NAPEPLD: variants seen among roughly 807,000 people sequenced by gnomAD.
NAPEPLD encodes the protein N-acyl phosphatidylethanolamine phospholipase D, also known as N-acyl-phosphatidylethanolamine-hydrolyzing phospholipase D.
Under a neutral mutation model 38.1 loss-of-function variants are expected in NAPEPLD, and 23 were observed. That is an observed-to-expected ratio of 0.60 (90% confidence interval 0.43 to 0.86). The LOEUF (loss-of-function observed/expected upper bound fraction) is 0.86, where lower values mean the gene tolerates loss of function less well. NAPEPLD is among the 40% of genes least tolerant of loss of function. The pLI is 0.00. For missense variants in NAPEPLD, 411 were observed against 476.8 expected (o/e 0.86, Z 1.28); for synonymous variants, 147 against 162.0 (o/e 0.91, Z 0.71).
intron 1 of NAPEPLD, among the ~76,000 whole-genome samples, chr7:103,143,345 T>TA (rs1333486557): frequency 6.6e-6 from 1 of 152,028 alleles, no homozygotes; most frequent in Non-Finnish European, 1.5e-5. Flanking sequence ...ATGCCTGCCA[T>TA]AAAATCTAGT....
At chr7:103,119,457 T>C in intron 3 of NAPEPLD, 120 bp downstream of exon 3, 2 of 1,034,836 alleles carry the variant, frequency 1.9e-6, no homozygotes, top group Non-Finnish European at 2.7e-6. Context: ...CCCAATCATG[T>C]ATAACAAAGT....
chr7:103,148,059 T>C (rs1812944943), intron 1 of NAPEPLD: 1 of 985,072 alleles, frequency 1.0e-6, no homozygotes, highest in African/African-American at 1.7e-5. Context: ...ACATAACTTC[T>C]TTCTAAACGA....
At chr7:103,109,940 C>G (rs922977175) in intron 4 of NAPEPLD, among the ~76,000 whole-genome samples, 2 of 152,172 alleles carry the variant, frequency 1.3e-5, no homozygotes, top group African/African-American at 4.8e-5. Context: ...ACTATCAACA[C>G]CTCTACGCAA....
rs118016213 is a variant in NAPEPLD at position 103,125,576 on chromosome 7, C to T, written c.294+2907G>A. Among the ~76,000 whole-genome samples the T allele has an allele frequency of 5.2e-3, 784 of 152,108 alleles. 18 individuals carry two copies. Among genetic ancestry groups the T allele is most frequent in the East Asian group, 0.014 (75 of 5,182 alleles). On this transcript the variant is annotated intron_variant, in intron 2 of 4. Transcript: ENST00000465647. ...GTCATCCCTACGACTCTACGAGACA[C>T]AAGGTTTAAAAATGAAACAAATAGG...
chr7:103,116,778 C>T (rs1299558376), intron 3 of NAPEPLD, among the ~76,000 whole-genome samples: 1 of 152,168 alleles, frequency 6.6e-6, no homozygotes, highest in Non-Finnish European at 1.5e-5. Flanking sequence ...TGAATCCTAG[C>T]TCTTGCAGTT....
At chr7:103,133,497 C>A (rs1387201937) in intron 1 of NAPEPLD, among the ~76,000 whole-genome samples, 1 of 152,198 alleles carries the variant, frequency 6.6e-6, no homozygotes, top group African/African-American at 2.4e-5. Context: ...CCAACAGGTG[C>A]TCCAGTGACA....
chr7:103,134,563 T>G (rs113805685), intron 1 of NAPEPLD, among the ~76,000 whole-genome samples: 2,373 of 152,100 alleles, frequency 0.016, 28 homozygotes, highest in Non-Finnish European at 0.023. Flanking sequence ...GGCAGGAAAA[T>G]CACTTGAACC....
At chr7:103,149,136 G>A, upstream of NAPEPLD, 2 of 953,934 alleles carry the variant, frequency 2.1e-6, no homozygotes, top group Non-Finnish European at 2.5e-6. Context: ...GGAGGCAGCA[G>A]AGAGGTCACA....
chr7:103,134,866 T>C (rs999378207), intron 1 of NAPEPLD, among the ~76,000 whole-genome samples: 1 of 152,192 alleles, frequency 6.6e-6, no homozygotes, highest in African/African-American at 2.4e-5. Context: ...CAAGTACAAA[T>C]ATTTTCTCTC....
intron 1 of NAPEPLD, among the ~76,000 whole-genome samples, chr7:103,132,427 T>TACA (rs1246382654): frequency 6.6e-6 from 1 of 152,044 alleles, no homozygotes; most frequent in African/African-American, 2.4e-5. Flanking sequence ...TTGGACTTTG[T>TACA]AGGGCTGGTT....
chr7:103,143,351 C>T (rs916915293), intron 1 of NAPEPLD, among the ~76,000 whole-genome samples: 1 of 151,890 alleles, frequency 6.6e-6, no homozygotes, highest in African/African-American at 2.4e-5. Context: ...GCCATAAAAT[C>T]TAGTGTTCTT....
chr7:103,141,905 G>C (rs1811475060), intron 1 of NAPEPLD: 1 of 1,017,668 alleles, frequency 9.8e-7, no homozygotes, highest in Non-Finnish European at 1.6e-6. Context: ...GAGGACACTA[G>C]AGGCAAGCCT....
intron 1 of NAPEPLD, among the ~76,000 whole-genome samples, chr7:103,134,888 A>G (rs1809719399): frequency 6.6e-6 from 1 of 152,248 alleles, no homozygotes; most frequent in Non-Finnish European, 1.5e-5. Context: ...ATAACTGCAC[A>G]TATGGGTAAA....
In NAPEPLD at chr7:103,100,153, CA is replaced by C. The variant is rs1389221379; in HGVS notation, c.*3275del. Reference sequence around the variant, plus strand: ...ATATTTTTACATTAGAAAAAGGACTCAGTATAAGGTGAAAACAAAATTCCCA... The same window carrying C: ...ATATTTTTACATTAGAAAAAGGACTCGTATAAGGTGAAAACAAAATTCCCA... On this transcript the variant is annotated 3_prime_UTR_variant, in exon 5 of 5. Coordinates refer to ENST00000465647, the MANE Select transcript of NAPEPLD (RefSeq NM_001122838.3). The C allele has an allele frequency of 6.6e-6, 1 of 152,066 alleles. No homozygotes were observed. The highest frequency in any genetic ancestry group is 1.5e-5 in the Non-Finnish European group (1 of 68,000). 9.4% of individuals were successfully genotyped at this position (152,066 alleles called of 1,614,324 possible). A position where few individuals can be genotyped will look rare whatever the true frequency, so the allele number is the denominator to read the frequency against.
At chr7:103,142,310 G>C (rs1811577193) in intron 1 of NAPEPLD, among the ~76,000 whole-genome samples, 1 of 152,142 alleles carries the variant, frequency 6.6e-6, no homozygotes, top group Non-Finnish European at 1.5e-5. Flanking sequence ...TTGCTAGGTA[G>C]AAAGTTTAAC....
chr7:103,107,432 G>A, intron 4 of NAPEPLD, among the ~76,000 whole-genome samples: 1 of 152,076 alleles, frequency 6.6e-6, no homozygotes, highest in South Asian at 2.1e-4. Flanking sequence ...GCTTTAGAAG[G>A]TGGGTAATAA....
intron 2 of NAPEPLD, among the ~76,000 whole-genome samples, chr7:103,123,277 G>A (rs1807078982): frequency 6.6e-6 from 1 of 152,188 alleles, no homozygotes; most frequent in Non-Finnish European, 1.5e-5. Flanking sequence ...ATGAAAGGTG[G>A]AATCATTCAG....
intron 1 of NAPEPLD, chr7:103,141,830 G>T (rs1254354317): frequency 3.2e-6 from 3 of 945,196 alleles, no homozygotes; most frequent in East Asian, 4.8e-5. Context: ...CTGCTGACGG[G>T]AGTTGGCATT....
Position 103,119,693 on chromosome 7 carries a change from A to G in NAPEPLD, c.825T>C (p.Pro275=), listed in dbSNP as rs1433953557. Residue 275 remains proline (P), a synonymous_variant, in exon 3 of 5, where the codon CCT becomes CCC. Coordinates refer to ENST00000465647, the MANE Select transcript of NAPEPLD (RefSeq NM_001122838.3). ...VLWGSWSVLG[P]WNRFFFAGDT... Reference sequence around the variant, plus strand: ...CTCCTGCGAAAAAAAATCGATTCCAAGGCCCCAAGACAGACCAGCTGCCCC... The same window carrying G: ...CTCCTGCGAAAAAAAATCGATTCCAGGGCCCCAAGACAGACCAGCTGCCCC... The G allele has an allele frequency of 6.2e-7, 1 of 1,614,064 alleles. No individual in the cohort carries two copies. The highest frequency in any genetic ancestry group is 2.2e-5 in the East Asian group (1 of 44,898).
Sources: allele counts gnomAD v4.1 joint callset (sites outside exome capture counted in the v4.1 genomes callset), GRCh38; gene constraint gnomAD v4.1.1; transcripts MANE v1.5; gene names NCBI Gene and HGNC (gene_info 2026-07-23, HGNC 2026-07-21).